The following PRPF38A variants were observed in gnomAD, a reference collection of about 807,000 sequenced individuals.
PRPF38A encodes pre-mRNA-splicing factor 38A.
A neutral mutation model predicts 46.8 loss-of-function variants in PRPF38A; 11 were observed. That is an observed-to-expected ratio of 0.24 (90% CI 0.15 to 0.39). The LOEUF is 0.39. PRPF38A is among the 10% of genes least tolerant of loss of function. The pLI is 1.00. For missense variants in PRPF38A, 261 were observed against 407.5 expected, an observed-to-expected ratio of 0.64 and a Z score of 3.10; for synonymous variants, 124 against 136.2, an observed-to-expected ratio of 0.91 and a Z score of 0.62.
rs752593492 is a variant in PRPF38A at position 52,414,788 on chromosome 1, G to A, written c.776G>A (p.Arg259Gln). The change falls in exon 8 of 10, where the codon CGG (arginine) becomes CAG (glutamine). Residue 259 changes from arginine to glutamine, a missense_variant. Arg to Gln is a conservative substitution (Grantham distance 43, BLOSUM62 1). Coordinates refer to ENST00000257181, the MANE Select transcript of PRPF38A (RefSeq NM_032864.4). ...CCCTCCCCTCGCCGAGAAAGGCATC[G>A]GAGCAAGAGTCCAAGACGTCACCGC... ...RSPSPRRERH[R>Q]SKSPRRHRSR... The A allele has an allele frequency of 5.6e-6, 9 of 1,614,120 alleles. No homozygotes were observed. The highest frequency in any genetic ancestry group is 2.2e-5 in the South Asian group (2 of 91,078).
rs1252556004 is a variant in PRPF38A, at chr1:52,418,603, T to G, written c.*1913T>G. ...AAATTGAGGTACCACAGCCAATCAA[T>G]AGCAGGAAAGAGAATGTCCCTATTC... is the stretch of plus-strand genomic sequence containing the variant. On this transcript the variant is annotated 3_prime_UTR_variant, in exon 10 of 10. Coordinates refer to ENST00000257181, the MANE Select transcript of PRPF38A (RefSeq NM_032864.4). The G allele has an allele frequency of 6.6e-6, 1 of 152,174 alleles. No individual in the cohort carries two copies. Among genetic ancestry groups the G allele is most frequent in the African/African-American group, 2.4e-5 (1 of 41,438 alleles). 9.4% of individuals were successfully genotyped at this position (152,174 alleles called of 1,614,324 possible).
intron 2 of PRPF38A, chr1:52,408,155 G>T: frequency 3.1e-6 from 1 of 326,724 alleles, no homozygotes; most frequent in South Asian, 2.5e-5. Flanking sequence ...CATGAGAATT[G>T]CTTGATCCCA....
rs1647915696 is a variant in PRPF38A, at chr1:52,404,663, C to T, written c.-87C>T. On this transcript the variant is annotated 5_prime_UTR_variant, in exon 1 of 10. Coordinates refer to ENST00000257181, the MANE Select transcript of PRPF38A (RefSeq NM_032864.4). ...AGCTGTTTAGTGAAACTTCTTCCAC[C>T]TTTCTCCATTCCTCTAGGTGCTTTT... 2 of 1,462,260 alleles carry T rather than the reference C, an allele frequency of 1.4e-6. No homozygotes were observed. Among genetic ancestry groups the T allele is most frequent in the Non-Finnish European group, 1.9e-6 (2 of 1,076,578 alleles). The allele number at this position is 1,462,260 out of a possible 1,614,324, so 90.6% of individuals were successfully genotyped here.
At chr1:52,412,476 A>T in intron 4 of PRPF38A, 38 bp from the exon 5 acceptor site, 1 of 1,460,158 alleles carries the variant, frequency 6.8e-7, no homozygotes, top group Non-Finnish European at 9.5e-7. Flanking sequence ...AATAGGGGAA[A>T]TGGCAACAAC....
Position 52,414,806 on chromosome 1 carries a change from G to A in PRPF38A, c.794G>A (p.Arg265His), listed in dbSNP as rs908983995. The A allele has an allele frequency of 1.5e-5, 25 of 1,614,140 alleles. No homozygotes were observed. Among genetic ancestry groups the A allele is most frequent in the Non-Finnish European group, 2.0e-5 (24 of 1,180,022 alleles). Residue 265 changes from arginine (R) to histidine (H), a missense_variant, in exon 8 of 10, where the codon CGT (arginine) becomes CAT (histidine). Transcript: ENST00000257181. The stretch of plus-strand genomic sequence containing the variant: ...AGGCATCGGAGCAAGAGTCCAAGAC[G>A]TCACCGCAGCAGGTCCCGAGATCGG... ...RERHRSKSPRRHRSRSRDRRH... is the reference protein window; with the variant it reads ...RERHRSKSPRHHRSRSRDRRH...
At chr1:52,414,531 G>A (rs1172269339) in intron 6 of PRPF38A, 90 bp from the exon 7 acceptor site, 3 of 1,343,826 alleles carry the variant, frequency 2.2e-6, no homozygotes, top group Admixed American at 1.9e-5. Context: ...GTGATACAGA[G>A]AAGCGTGAAG....
In PRPF38A at chr1:52,414,827, A is replaced by G. The variant is rs746062072; in HGVS notation, c.815A>G (p.Asp272Gly). The G allele has an allele frequency of 1.2e-6, 2 of 1,614,196 alleles. No individual in the cohort carries two copies. Among genetic ancestry groups the G allele is most frequent in the South Asian group, 2.2e-5 (2 of 91,084 alleles). Residue 272 changes from aspartate to glycine, a missense_variant, in exon 8 of 10, where the codon GAT becomes GGT. Around this residue, in one of 2 missense-constraint regions of PRPF38A, gnomAD observed 180 missense variants for 221.0 expected, o/e 0.81. Coordinates refer to ENST00000257181, the MANE Select transcript of PRPF38A (RefSeq NM_032864.4). The stretch of plus-strand genomic sequence containing the variant: ...AGACGTCACCGCAGCAGGTCCCGAG[A>G]TCGGCGGCACAGATCCCGTTCCAAG... ...SPRRHRSRSRDRRHRSRSKSP... is the reference protein window; with the variant it reads ...SPRRHRSRSRGRRHRSRSKSP...
chr1:52,405,334 G>A (rs1488900351), intron 1 of PRPF38A, among the ~76,000 whole-genome samples: 6 of 152,180 alleles, frequency 3.9e-5, no homozygotes, highest in Non-Finnish European at 8.8e-5. Flanking sequence ...GATTTGAATT[G>A]TGGCTTTAAA....
intron 9 of PRPF38A, among the ~76,000 whole-genome samples, chr1:52,416,209 CA>C (rs1429684873): frequency 6.6e-6 from 1 of 151,824 alleles, no homozygotes; most frequent in South Asian, 2.1e-4. Context: ...ATGCCTGACT[CA>C]AGAGTGTTGC....
At chr1:52,413,293 G>A (rs554855513) in intron 5 of PRPF38A, among the ~76,000 whole-genome samples, 1 of 152,272 alleles carries the variant, frequency 6.6e-6, no homozygotes, top group South Asian at 2.1e-4. Flanking sequence ...CTATCCTAAG[G>A]AATAAACCTT....
chr1:52,413,902 TCAC>T lies in PRPF38A; in HGVS notation c.635_637del (p.His212del). Reference sequence around the variant, plus strand: ...AGTTGGAAAGAGTGCCATCACCTGATCACCGCCGGAGAAGCTACCGAGACTTGG... The same window carrying T: ...AGTTGGAAAGAGTGCCATCACCTGATCGCCGGAGAAGCTACCGAGACTTGG... On this transcript the variant is annotated inframe_deletion, in exon 6 of 10. Transcript: ENST00000257181. 6.2e-7 allele frequency: 1 copy of T among 1,613,638 alleles called. No individual in the cohort carries two copies. The highest frequency in any genetic ancestry group is 8.5e-7 in the Non-Finnish European group (1 of 1,179,740).
chr1:52,412,080 T>A (rs1459070487), intron 4 of PRPF38A, among the ~76,000 whole-genome samples: 2 of 152,166 alleles, frequency 1.3e-5, no homozygotes, highest in Non-Finnish European at 2.9e-5. Flanking sequence ...ATGGAACCAG[T>A]TCAAAATGCA....
intron 3 of PRPF38A, among the ~76,000 whole-genome samples, chr1:52,410,359 C>T (rs1648113529): frequency 6.7e-6 from 1 of 150,040 alleles, no homozygotes; most frequent in Non-Finnish European, 1.5e-5. Flanking sequence ...AAAAACACCT[C>T]AGCTCTGCCA....
In PRPF38A at chr1:52,416,743, T is replaced by G; in HGVS notation, c.*53T>G. On this transcript the variant is annotated 3_prime_UTR_variant, in exon 10 of 10. Coordinates refer to ENST00000257181, the MANE Select transcript of PRPF38A (RefSeq NM_032864.4). ...GGCCTCCTGTGGATATAAGGATATC[T>G]GTATGTGGAAGGATTAAGATCTCCC... The G allele has an allele frequency of 7.6e-7, 1 of 1,313,514 alleles. No individual in the cohort carries two copies. The highest frequency in any genetic ancestry group is 1.1e-6 in the Non-Finnish European group (1 of 905,900). The allele number at this position is 1,313,514 out of a possible 1,614,324, so 81.4% of individuals were successfully genotyped here. A position where few individuals can be genotyped will look rare whatever the true frequency, so the allele number is the denominator to read the frequency against.
At position 52,417,497 on chromosome 1, in the gene PRPF38A, TCACAAAGTCAGAAAATACAGCAGGA is replaced by T. The variant is rs1445382916; in HGVS notation, c.*808_*832del. 1.3e-5 allele frequency: 2 copies of T among 152,202 alleles called. No individual in the cohort carries two copies. Among genetic ancestry groups the T allele is most frequent in the African/African-American group, 4.8e-5 (2 of 41,454 alleles). The allele number at this position is 152,202 out of a possible 1,614,324, so 9.4% of individuals were successfully genotyped here. ...CTAAATTGCTAGACAGTCGTGCCAT[TCACAAAGTCAGAAAATACAGCAGGA>T]AGAGACAGCTTTTAGAGGGGCAGAG... On this transcript the variant is annotated 3_prime_UTR_variant, in exon 10 of 10. Coordinates refer to ENST00000257181, the MANE Select transcript of PRPF38A (RefSeq NM_032864.4).
intron 4 of PRPF38A, among the ~76,000 whole-genome samples, chr1:52,411,519 A>G (rs1261638135): frequency 6.6e-6 from 1 of 152,242 alleles, no homozygotes; most frequent in African/African-American, 2.4e-5. Flanking sequence ...TTACCTGTCT[A>G]TCATGAAAAA....
At position 52,417,599 on chromosome 1, in the gene PRPF38A, T is replaced by C. The variant is rs1474435731; in HGVS notation, c.*909T>C. The stretch of plus-strand genomic sequence containing the variant: ...AATGATGCATTCAGTTTAACAAGTT[T>C]AATTTGAGACAGCTATGGTATAGCT... On this transcript the variant is annotated 3_prime_UTR_variant, in exon 10 of 10. Coordinates refer to ENST00000257181, the MANE Select transcript of PRPF38A (RefSeq NM_032864.4). 1.3e-5 allele frequency: 2 copies of C among 152,198 alleles called. No individual in the cohort carries two copies. Among genetic ancestry groups the C allele is most frequent in the African/African-American group, 4.8e-5 (2 of 41,450 alleles). The allele number at this position is 152,198 out of a possible 1,614,324, so 9.4% of individuals were successfully genotyped here.
intron 2 of PRPF38A, 24 bp from the exon 3 acceptor site, chr1:52,408,545 G>A: frequency 1.2e-6 from 2 of 1,613,950 alleles, no homozygotes; most frequent in Non-Finnish European, 1.7e-6. Context: ...ATGGCCTGTT[G>A]TTTCACTGTC....
rs971253984 is a variant in PRPF38A, at chr1:52,419,393, G to T, written c.*2703G>T. 2.6e-5 allele frequency: 4 copies of T among 151,784 alleles called. No individual in the cohort carries two copies. Among genetic ancestry groups the T allele is most frequent in the Non-Finnish European group, 5.9e-5 (4 of 68,052 alleles). 9.4% of individuals were successfully genotyped at this position (151,784 alleles called of 1,614,324 possible). A position where few individuals can be genotyped will look rare whatever the true frequency, so the allele number is the denominator to read the frequency against. On this transcript the variant is annotated 3_prime_UTR_variant, in exon 10 of 10. Transcript: ENST00000257181. ...AAAAAGAAGAAGAAGAATGGGTTTG[G>T]TGAGAGGGTTCCAATATTAACAACC...
Sources: gnomAD v4.1 joint callset for allele counts (sites outside exome capture counted in the v4.1 genomes callset) on GRCh38, gnomAD v4.1.1 for gene constraint, gnomAD v4.1.1 regional missense constraint, MANE v1.5 for transcripts, NCBI Gene and HGNC (gene_info 2026-07-23, HGNC 2026-07-21) for gene names.